Variants in SATB2 observed in about 807,000 individuals in gnomAD.
SATB2 encodes the protein DNA-binding protein SATB2.
SATB2 carries 1 observed loss-of-function variant against 73.4 expected under a neutral mutation model. The ratio of observed to expected loss-of-function variants is 0.01; its 90% confidence interval spans 0.00 to 0.06. The LOEUF (loss-of-function observed/expected upper bound fraction) is 0.06. Ranked by LOEUF, SATB2 falls within the 10% of genes least tolerant of loss-of-function variation. The probability of loss-of-function intolerance (pLI) is 1.00; values close to 1 mark genes in which losing one functional copy is unlikely to be tolerated. For synonymous variants in SATB2, 397 were observed against 367.0 expected (o/e 1.08, Z -0.93); for missense variants, 459 against 945.8 (o/e 0.49, Z 6.75).
intron 2 of SATB2, among the ~76,000 whole-genome samples, chr2:199,436,949 T>C (rs1339164449): frequency 1.3e-5 from 2 of 148,854 alleles, no homozygotes; most frequent in Non-Finnish European, 3.0e-5. Flanking sequence ...TGACAATGGA[T>C]AGAAAGATAG....
Position 199,270,076 on chromosome 2 carries a change from G to C in SATB2, c.*2135C>G, listed in dbSNP as rs1000525352. The stretch of plus-strand genomic sequence containing the variant: ...ACAGTGTAAGAAGACAATTTGGAAA[G>C]AGTAACTCGGAGATCAGGAAGCAGC... On this transcript the variant is annotated 3_prime_UTR_variant, in exon 11 of 11. Coordinates refer to ENST00000417098, the MANE Select transcript of SATB2 (RefSeq NM_001172509.2). The C allele has an allele frequency of 6.5e-6, 1 of 152,738 alleles. No homozygotes were observed. The highest frequency in any genetic ancestry group is 2.4e-5 in the African/African-American group (1 of 41,442). 9.5% of individuals were successfully genotyped at this position (152,738 alleles called of 1,614,324 possible). A position where few individuals can be genotyped will look rare whatever the true frequency, so the allele number is the denominator to read the frequency against.
Position 199,272,278 on chromosome 2 carries a change from T to G in SATB2, c.2135A>C (p.Lys712Thr). ...AGCATTTTCCTCCTCAGCCTCCACTTTGTACATCTCCTCGGAGCCTTCCTC... is the reference window on the plus strand; with the variant it reads ...AGCATTTTCCTCCTCAGCCTCCACTGTGTACATCTCCTCGGAGCCTTCCTC... ...DSEEGSEEMYKVEAEEENADK... is the reference protein window; with the variant it reads ...DSEEGSEEMYTVEAEEENADK... Residue 712 changes from lysine to threonine, a missense_variant, in exon 11 of 11, where the codon AAA (lysine) becomes ACA (threonine). Transcript: ENST00000417098. This position sits in a 1 kb window ranked among gnomAD's most constrained non-coding sequence, Gnocchi z 6.7. 2 of 1,614,198 alleles carry G rather than the reference T, an allele frequency of 1.2e-6. No homozygotes were observed. Among genetic ancestry groups the G allele is most frequent in the Non-Finnish European group, 1.7e-6 (2 of 1,180,020 alleles).
At chr2:199,468,977 G>T (rs909704344), upstream of SATB2, 3 of 152,308 alleles carry the variant, frequency 2.0e-5, no homozygotes, top group African/African-American at 7.2e-5. Flanking sequence ...TGCGGGACAG[G>T]GCCGGTGAAC....
chr2:199,464,021 C>T lies in SATB2; in HGVS notation c.-141+815G>A, dbSNP rs767409473. 1.3e-5 allele frequency among the ~76,000 whole-genome samples: 2 copies of T among 152,210 alleles called. No homozygotes were observed. The highest frequency in any genetic ancestry group is 2.9e-5 in the Non-Finnish European group (2 of 68,036). ...CCGCTGCGGGACCCACGGTCCCAGACACCTACTGGAGCCAGGGACGAGGGG... is the reference window on the plus strand; with the variant it reads ...CCGCTGCGGGACCCACGGTCCCAGATACCTACTGGAGCCAGGGACGAGGGG... On this transcript the variant is annotated intron_variant, in intron 1 of 11. Transcript: ENST00000260926. The surrounding 1 kb of genome is among the most constrained non-coding windows in gnomAD (Gnocchi z 6.6).
At chr2:199,388,933 A>G (rs1690038392) in intron 3 of SATB2, among the ~76,000 whole-genome samples, 1 of 152,164 alleles carries the variant, frequency 6.6e-6, no homozygotes, top group Admixed American at 6.5e-5. Context: ...GCTATAGCAT[A>G]TAATTTTCTG....
intron 3 of SATB2, among the ~76,000 whole-genome samples, chr2:199,394,497 G>C (rs1000772647): frequency 9.9e-5 from 15 of 152,026 alleles, no homozygotes; most frequent in African/African-American, 3.4e-4. Context: ...CATTCTATTA[G>C]AAAAAAGGCT....
At chr2:199,410,668 A>G (rs567018992) in intron 3 of SATB2, among the ~76,000 whole-genome samples, 178 of 152,344 alleles carry the variant, frequency 1.2e-3, no homozygotes, top group Non-Finnish European at 2.3e-3. Context: ...TTTAGATTGC[A>G]GTTCAAGAAG....
chr2:199,444,985 A>G (rs950776737), intron 2 of SATB2, among the ~76,000 whole-genome samples: 5 of 152,208 alleles, frequency 3.3e-5, no homozygotes, highest in Non-Finnish European at 5.9e-5. Flanking sequence ...GCATCTCAGA[A>G]GCCTGCCTTG....
At chr2:199,316,842 C>CA (rs1559157886) in intron 9 of SATB2, among the ~76,000 whole-genome samples, 1 of 151,904 alleles carries the variant, frequency 6.6e-6, no homozygotes, top group African/African-American at 2.4e-5. Flanking sequence ...TTGTGTTTGT[C>CA]AAAAAAGAAG....
In SATB2 at chr2:199,328,721, G is replaced by A. The variant is rs1235823852; in HGVS notation, c.1363C>T (p.Pro455Ser). The A allele has an allele frequency of 6.2e-7, 1 of 1,613,240 alleles. No homozygotes were observed. The highest frequency in any genetic ancestry group is 8.5e-7 in the Non-Finnish European group (1 of 1,179,856). Residue 455 changes from proline to serine, a missense_variant, in exon 8 of 11, where the codon CCC (proline) becomes TCC (serine). Physicochemically the swap from Pro to Ser is moderately conservative, Grantham distance 74 (BLOSUM62 -1). Coordinates refer to ENST00000417098, the MANE Select transcript of SATB2 (RefSeq NM_001172509.2). ...VSMVSSASSS[P>S]SSSRTPQAKT... ...ACCTGAGGGGTTCGGGAGGAGCTGG[G>A]ACTGCTGGAGGCCGAGGAGACCATG...
chr2:199,384,813 T>A (rs1465381972), intron 3 of SATB2, among the ~76,000 whole-genome samples: 2 of 152,222 alleles, frequency 1.3e-5, no homozygotes, highest in African/African-American at 4.8e-5. Flanking sequence ...GCAGATTAAA[T>A]GTAAAAATTA....
At chr2:199,387,337 G>A (rs887315602) in intron 3 of SATB2, among the ~76,000 whole-genome samples, 11 of 152,172 alleles carry the variant, frequency 7.2e-5, no homozygotes, top group African/African-American at 2.7e-4. Flanking sequence ...CACGTCCACA[G>A]TCACACATCA....
intron 7 of SATB2, among the ~76,000 whole-genome samples, chr2:199,331,183 T>A (rs547066964): frequency 2.0e-5 from 3 of 149,976 alleles, no homozygotes; most frequent in South Asian, 2.1e-4. Context: ...ATAAAAAAAA[T>A]TTTAAAACAC....
intron 3 of SATB2, among the ~76,000 whole-genome samples, chr2:199,395,083 AT>A (rs1690258285): frequency 6.6e-6 from 1 of 151,560 alleles, no homozygotes; most frequent in South Asian, 2.1e-4. Flanking sequence ...TTCATGTCTA[AT>A]TTTCTTTTTT....
chr2:199,325,667 C>A (rs1688008760), intron 8 of SATB2, among the ~76,000 whole-genome samples: 1 of 152,168 alleles, frequency 6.6e-6, no homozygotes, highest in African/African-American at 2.4e-5. Context: ...ACTATCTCAT[C>A]CTACCTGATT....
upstream of SATB2, chr2:199,458,425 G>A (rs1692363309): frequency 2.6e-6 from 1 of 386,844 alleles, no homozygotes; most frequent in Non-Finnish European, 5.1e-6. Flanking sequence ...TGCACGAGGC[G>A]GCGAAGGACC....
At position 199,399,932 on chromosome 2, in the gene SATB2, T is replaced by C. The variant is rs571266987; in HGVS notation, c.347-18112A>G. On this transcript the variant is annotated intron_variant, in intron 3 of 10. Transcript: ENST00000417098. ...CTACATCAATATAAATATTAATGTC[T>C]CCATTTTAGGTTAGAATAGATGACT... Among the ~76,000 whole-genome samples the C allele has an allele frequency of 7.2e-5, 11 of 152,268 alleles. No individual in the cohort carries two copies. The South Asian group carries it at 1.5e-3, about 20-fold the overall frequency.
Position 199,272,732 on chromosome 2 carries a change from A to G in SATB2, c.1741-60T>C. 6.9e-7 allele frequency: 1 copy of G among 1,454,456 alleles called. No individual in the cohort carries two copies. Among genetic ancestry groups the G allele is most frequent in the Non-Finnish European group, 9.7e-7 (1 of 1,034,940 alleles). 90.1% of individuals were successfully genotyped at this position (1,454,456 alleles called of 1,614,324 possible). A position where few individuals can be genotyped will look rare whatever the true frequency, so the allele number is the denominator to read the frequency against. The stretch of plus-strand genomic sequence containing the variant: ...CTCATGATTTTACCTTTCCAAAACC[A>G]TCAGCCCTCTGAAATATGTGTTATC... On this transcript the variant is annotated intron_variant, in intron 10 of 10. Transcript: ENST00000417098. The surrounding 1 kb of genome is among the most constrained non-coding windows in gnomAD (Gnocchi z 6.7).
chr2:199,324,166 C>T (rs922285661), intron 8 of SATB2, among the ~76,000 whole-genome samples: 3 of 152,062 alleles, frequency 2.0e-5, no homozygotes, highest in African/African-American at 7.2e-5. Flanking sequence ...CCTGTCAACC[C>T]TGTTCTCTCA....
Sources: gnomAD v4.1 joint callset for allele counts (sites outside exome capture counted in the v4.1 genomes callset) on GRCh38, gnomAD v4.1.1 for gene constraint, Gnocchi (gnomAD v3.1) non-coding constraint, MANE v1.5 for transcripts, NCBI Gene and HGNC (gene_info 2026-07-23, HGNC 2026-07-21) for gene names.